EYS: variants seen among roughly 807,000 people sequenced by gnomAD.
EYS encodes protein eyes shut homolog.
Under a neutral mutation model 282.1 loss-of-function variants are expected in EYS, and 250 were observed. The observed-to-expected ratio is 0.89, with a 90% CI of 0.80 to 0.98. EYS has a LOEUF of 0.98. Ranked by LOEUF, EYS falls within the 50% of genes least tolerant of loss-of-function variation. EYS has a pLI of 0.00. For synonymous variants in EYS, 1,355 were observed against 1,282.9 expected, an observed-to-expected ratio of 1.06 and a Z score of -1.20; for missense variants, 4,016 against 3,709.0, an observed-to-expected ratio of 1.08 and a Z score of -2.15.
chr6:65,624,552 T>G (rs902278193), intron 2 of EYS, among the ~76,000 whole-genome samples: 9 of 152,100 alleles, frequency 5.9e-5, no homozygotes, highest in African/African-American at 2.2e-4. Context: ...GTGAGGGTGT[T>G]GCCAAAGGAG....
intron 7 of EYS, among the ~76,000 whole-genome samples, chr6:65,398,707 A>G (rs926149575): frequency 6.6e-6 from 1 of 152,086 alleles, no homozygotes; most frequent in African/African-American, 2.4e-5. Context: ...AAATTTATAT[A>G]TTTAGCCCGA....
chr6:65,079,212 T>C (rs927270370), intron 12 of EYS, among the ~76,000 whole-genome samples: 11 of 152,074 alleles, frequency 7.2e-5, no homozygotes, highest in African/African-American at 2.7e-4. Context: ...TTATAAAAAG[T>C]GAATTTTATT....
intron 11 of EYS, among the ~76,000 whole-genome samples, chr6:65,320,414 G>A (rs535382147): frequency 2.9e-4 from 44 of 152,284 alleles, no homozygotes; most frequent in South Asian, 1.9e-3. Flanking sequence ...GAATCCAGAC[G>A]GATAATGGAG....
chr6:63,892,060 C>G (rs770320748), intron 35 of EYS, among the ~76,000 whole-genome samples: 1 of 152,170 alleles, frequency 6.6e-6, no homozygotes, highest in African/African-American at 2.4e-5. Flanking sequence ...CTACAAACCA[C>G]TGCTCAAGGA....
chr6:64,057,716 T>G (rs1771033362), intron 33 of EYS, among the ~76,000 whole-genome samples: 2 of 152,100 alleles, frequency 1.3e-5, no homozygotes, highest in South Asian at 4.1e-4. Flanking sequence ...AAAAATTATT[T>G]GAATTTCATA....
intron 28 of EYS, among the ~76,000 whole-genome samples, chr6:64,426,391 A>G (rs1327997012): frequency 1.3e-5 from 2 of 152,194 alleles, no homozygotes; most frequent in African/African-American, 4.8e-5. Flanking sequence ...TGGATACCAG[A>G]TTGGATAGGA....
chr6:65,652,138 G>C (rs1230197995), intron 1 of EYS, among the ~76,000 whole-genome samples: 4 of 151,998 alleles, frequency 2.6e-5, no homozygotes, highest in South Asian at 2.1e-4. Flanking sequence ...GGAATGGCTT[G>C]AGGAAGGAAA....
intron 12 of EYS, among the ~76,000 whole-genome samples, chr6:65,173,465 C>A (rs969152262): frequency 4.6e-5 from 7 of 151,090 alleles, no homozygotes; most frequent in African/African-American, 1.7e-4. Flanking sequence ...TATCAAACAC[C>A]AATAAATTTT....
chr6:65,338,114 T>C (rs974728163), intron 10 of EYS, among the ~76,000 whole-genome samples: 1 of 151,236 alleles, frequency 6.6e-6, no homozygotes, highest in Non-Finnish European at 1.5e-5. Flanking sequence ...AATACTTTTA[T>C]TAAATGGAAA....
chr6:65,454,914 A>C (rs1355474170), intron 5 of EYS, among the ~76,000 whole-genome samples: 1 of 151,970 alleles, frequency 6.6e-6, no homozygotes, highest in Non-Finnish European at 1.5e-5. Context: ...TTAGTTTTGT[A>C]GTGTATGTTG....
chr6:64,233,869 T>C (rs1271005806), intron 30 of EYS, among the ~76,000 whole-genome samples: 1 of 152,206 alleles, frequency 6.6e-6, no homozygotes, highest in Non-Finnish European at 1.5e-5. Context: ...ACACTACTTA[T>C]TTCAATCCCA....
At chr6:65,428,507 A>AT (rs5876963) in intron 5 of EYS, among the ~76,000 whole-genome samples, 25,307 of 147,532 alleles carry the variant, frequency 0.17, 2,123 homozygotes, top group South Asian at 0.31. Context: ...CATTAAACTC[A>AT]TTTTTTTTTT....
intron 22 of EYS, among the ~76,000 whole-genome samples, chr6:64,778,323 C>T (rs1773741786): frequency 6.6e-6 from 1 of 152,126 alleles, no homozygotes; most frequent in African/African-American, 2.4e-5. Flanking sequence ...TAAAATGTTG[C>T]TTGTCCAGCA....
intron 29 of EYS, among the ~76,000 whole-genome samples, chr6:64,308,307 T>C (rs1203107720): frequency 6.6e-6 from 1 of 152,084 alleles, no homozygotes; most frequent in Non-Finnish European, 1.5e-5. Flanking sequence ...AGAAGTACAT[T>C]GAAGAACATT....
chr6:65,347,931 T>C (rs1770462437), intron 9 of EYS, among the ~76,000 whole-genome samples: 1 of 151,342 alleles, frequency 6.6e-6, no homozygotes. Flanking sequence ...TCTGTAGGAG[T>C]TCCATTATTT....
intron 19 of EYS, among the ~76,000 whole-genome samples, chr6:64,867,734 T>C (rs1391908924): frequency 6.6e-6 from 1 of 151,714 alleles, no homozygotes; most frequent in African/African-American, 2.4e-5. Context: ...TGATAAAAAC[T>C]TCCTTTGCTT....
chr6:64,902,590 T>C (rs531080261), intron 16 of EYS, 90 bp from the exon 17 acceptor site: 1 of 674,036 alleles, frequency 1.5e-6, no homozygotes, highest in African/African-American at 1.9e-5. Context: ...AATACACTCA[T>C]AATGGAGGTT....
chr6:65,269,706 C>A (rs2150264766), intron 12 of EYS, among the ~76,000 whole-genome samples: 1 of 152,230 alleles, frequency 6.6e-6, no homozygotes, highest in South Asian at 2.1e-4. Context: ...TGGTGGGGAT[C>A]TGGTGAGGGT....
At position 64,591,230 on chromosome 6, in the gene EYS, G is replaced by T; in HGVS notation, c.4637C>A (p.Ala1546Asp). 1 of 1,551,386 alleles carries T rather than the reference G, an allele frequency of 6.4e-7. No homozygotes were observed. The highest frequency in any genetic ancestry group is 8.7e-7 in the Non-Finnish European group (1 of 1,146,812). ...QRLTNIKSQA[A>D]DSLRELSQTC... ...TTGGCTTAATTCTCTTAAAGAATCAGCAGCCTGTGATTTGATGTTTGTGAG... is the reference window on the plus strand; with the variant it reads ...TTGGCTTAATTCTCTTAAAGAATCATCAGCCTGTGATTTGATGTTTGTGAG... Residue 1546 changes from alanine to aspartate, a missense_variant, in exon 26 of 43, where the codon GCT (alanine) becomes GAT (aspartate). Ala to Asp is a moderately radical substitution (Grantham distance 126). Transcript: ENST00000503581.
Sources: gnomAD v4.1 joint callset for allele counts (sites outside exome capture counted in the v4.1 genomes callset) on GRCh38, gnomAD v4.1.1 for gene constraint, MANE v1.5 for transcripts, NCBI Gene and HGNC (gene_info 2026-07-23, HGNC 2026-07-21) for gene names.